GABBR2: variants seen among roughly 807,000 people sequenced by gnomAD.
GABBR2 encodes the protein gamma-aminobutyric acid type B receptor subunit 2.
A neutral mutation model predicts 105.6 loss-of-function variants in GABBR2; 23 were observed. That is an observed-to-expected ratio of 0.22 (90% CI 0.16 to 0.31). The LOEUF (loss-of-function observed/expected upper bound fraction) is 0.31. GABBR2 is among the 10% of genes least tolerant of loss of function. GABBR2 has a pLI of 1.00. For missense variants in GABBR2, 734 were observed against 1,245.5 expected (o/e 0.59, Z 6.18); for synonymous variants, 478 against 499.7 (o/e 0.96, Z 0.58).
chr9:98,347,400 A>G (rs1025782312), intron 13 of GABBR2, among the ~76,000 whole-genome samples: 1 of 151,794 alleles, frequency 6.6e-6, no homozygotes, highest in African/African-American at 2.4e-5. Flanking sequence ...ATCTATTCTG[A>G]TCCTTTGTCT....
chr9:98,398,273 T>C (rs34757740), intron 8 of GABBR2, among the ~76,000 whole-genome samples: 6,132 of 152,130 alleles, frequency 0.04, 171 homozygotes, highest in Middle Eastern at 0.078. Flanking sequence ...CAAAAGATGA[T>C]CTTGGCTCAA....
chr9:98,418,803 G>A (rs1259663130), intron 7 of GABBR2, among the ~76,000 whole-genome samples: 1 of 152,198 alleles, frequency 6.6e-6, no homozygotes, highest in African/African-American at 2.4e-5. Context: ...GTTCCTGGGT[G>A]GGTGGCTGAG....
chr9:98,324,493 GACACACACAC>G (rs3983548), intron 13 of GABBR2, among the ~76,000 whole-genome samples: 3,141 of 143,356 alleles, frequency 0.022, 100 homozygotes, highest in African/African-American at 0.071. Context: ...CTACAGAGCC[GACACACACAC>G]ACACACACAC....
At chr9:98,684,758 C>A (rs1830599796) in intron 1 of GABBR2, among the ~76,000 whole-genome samples, 1 of 152,182 alleles carries the variant, frequency 6.6e-6, no homozygotes. Flanking sequence ...ATGGTAGAGA[C>A]AAACTTTACC....
rs761120285 is a variant in GABBR2 at position 98,318,160 on chromosome 9, T to C, written c.1894-6955A>G. On this transcript the variant is annotated intron_variant, in intron 13 of 18. Transcript: ENST00000259455. The stretch of plus-strand genomic sequence containing the variant: ...GACAGCATGGCTTCTCACTCGATAA[T>C]GTGAGCACAAAGTGCCTGGGGAGCT... 1.1e-4 allele frequency among the ~76,000 whole-genome samples: 17 copies of C among 152,264 alleles called. No homozygotes were observed. In the East Asian group the frequency reaches 3.3e-3, roughly 29 times the overall value.
chr9:98,518,931 G>C lies in GABBR2; in HGVS notation c.631-22417C>G, dbSNP rs563666429. The stretch of plus-strand genomic sequence containing the variant: ...GGTGGACACTGCACCAAAGTGCTGA[G>C]CAGGCTGCCAGCCTGGGAGCAGGGT... On this transcript the variant is annotated intron_variant, in intron 3 of 18. Coordinates refer to ENST00000259455, the MANE Select transcript of GABBR2 (RefSeq NM_005458.8). Among the ~76,000 whole-genome samples the C allele has an allele frequency of 9.2e-5, 14 of 152,342 alleles. No homozygotes were observed. In the East Asian group the frequency reaches 2.5e-3, roughly 27 times the overall value.
intron 1 of GABBR2, among the ~76,000 whole-genome samples, chr9:98,702,192 A>G (rs1487241699): frequency 6.6e-6 from 1 of 152,008 alleles, no homozygotes; most frequent in Non-Finnish European, 1.5e-5. Flanking sequence ...GTGTGAGGTG[A>G]GCACGTGGCC....
chr9:98,707,940 C>A (rs2131892280), intron 1 of GABBR2, among the ~76,000 whole-genome samples: 1 of 152,358 alleles, frequency 6.6e-6, no homozygotes, highest in East Asian at 1.9e-4. Flanking sequence ...CCTTCCGGAC[C>A]TCAAAGCGCG....
intron 2 of GABBR2, among the ~76,000 whole-genome samples, chr9:98,567,788 G>A (rs1304875197): frequency 6.6e-6 from 1 of 152,154 alleles, no homozygotes; most frequent in Non-Finnish European, 1.5e-5. Flanking sequence ...TCAGTGAGAG[G>A]CATCAGAGGG....
intron 7 of GABBR2, among the ~76,000 whole-genome samples, chr9:98,433,778 C>A (rs892567406): frequency 6.6e-6 from 1 of 152,190 alleles, no homozygotes; most frequent in Admixed American, 6.5e-5. Flanking sequence ...TGTATTGATA[C>A]CTGGGCATGT....
intron 3 of GABBR2, among the ~76,000 whole-genome samples, chr9:98,508,705 G>C (rs186882253): frequency 0.013 from 1,940 of 152,320 alleles, 40 homozygotes; most frequent in Non-Finnish European, 0.015. Flanking sequence ...AGGCAACAGC[G>C]AGGCTGGGGG....
chr9:98,383,578 T>G (rs1216200808), intron 11 of GABBR2, among the ~76,000 whole-genome samples: 1 of 152,150 alleles, frequency 6.6e-6, no homozygotes, highest in African/African-American at 2.4e-5. Flanking sequence ...AACACACCAG[T>G]GACCTCACTA....
At chr9:98,319,633 G>T (rs1002830990) in intron 13 of GABBR2, among the ~76,000 whole-genome samples, 1 of 151,996 alleles carries the variant, frequency 6.6e-6, no homozygotes, top group African/African-American at 2.4e-5. Flanking sequence ...CGTACTAAAG[G>T]CCATGAATGT....
chr9:98,479,196 C>T (rs1312703239), intron 5 of GABBR2, among the ~76,000 whole-genome samples: 1 of 152,190 alleles, frequency 6.6e-6, no homozygotes, highest in Non-Finnish European at 1.5e-5. Context: ...TTTGTGGAAT[C>T]TACCCATAAA....
At chr9:98,314,342 C>T (rs1830681336) in intron 13 of GABBR2, among the ~76,000 whole-genome samples, 1 of 152,164 alleles carries the variant, frequency 6.6e-6, no homozygotes, top group Non-Finnish European at 1.5e-5. Flanking sequence ...CTGGGTTTCT[C>T]CAGTGTGTGA....
intron 1 of GABBR2, among the ~76,000 whole-genome samples, chr9:98,694,193 G>A (rs968042202): frequency 6.6e-6 from 1 of 152,220 alleles, no homozygotes; most frequent in Non-Finnish European, 1.5e-5. Context: ...AAGCTGGTGG[G>A]CTAGGCTCTC....
intron 1 of GABBR2, among the ~76,000 whole-genome samples, chr9:98,690,020 A>T (rs1830665787): frequency 6.6e-6 from 1 of 152,162 alleles, no homozygotes; most frequent in Admixed American, 6.5e-5. Flanking sequence ...CTGAAATGAG[A>T]CCTACTTTAG....
intron 1 of GABBR2, among the ~76,000 whole-genome samples, chr9:98,705,122 C>G (rs1830877824): frequency 6.6e-6 from 1 of 152,182 alleles, no homozygotes; most frequent in Non-Finnish European, 1.5e-5. Flanking sequence ...TATGCTTCTA[C>G]ATAGTTTCTG....
intron 1 of GABBR2, among the ~76,000 whole-genome samples, chr9:98,686,400 TTTTG>T (rs1239468357): frequency 1.3e-5 from 2 of 151,500 alleles, no homozygotes; most frequent in Non-Finnish European, 2.9e-5. Context: ...GTTTTTTTTG[TTTTG>T]TTTTGTTTTT....
Sources: gnomAD v4.1 joint callset for allele counts (sites outside exome capture counted in the v4.1 genomes callset) on GRCh38, gnomAD v4.1.1 for gene constraint, MANE v1.5 for transcripts, NCBI Gene and HGNC (gene_info 2026-07-23, HGNC 2026-07-21) for gene names.